IQSEC1: variants seen among roughly 807,000 people sequenced by gnomAD.
The protein encoded by IQSEC1 is IQ motif and Sec7 domain ArfGEF 1, also known as IQ motif and SEC7 domain-containing protein 1.
In IQSEC1, 31 loss-of-function variants were observed where a neutral mutation model predicts 91.0. That is an observed-to-expected ratio of 0.34 (90% CI 0.26 to 0.46). The LOEUF (loss-of-function observed/expected upper bound fraction) is 0.46, where lower values mean the gene tolerates loss of function less well. Among genes scored for constraint, IQSEC1 ranks in the 20% least tolerant of loss-of-function variants. IQSEC1 has a pLI of 1.00. For missense variants in IQSEC1, 1,388 were observed against 1,575.6 expected (o/e 0.88, Z 2.02); for synonymous variants, 699 against 662.6 (o/e 1.05, Z -0.84).
chr3:12,934,368 C>A (rs1287277341), intron 3 of IQSEC1, among the ~76,000 whole-genome samples: 1 of 152,210 alleles, frequency 6.6e-6, no homozygotes, highest in Non-Finnish European at 1.5e-5. Flanking sequence ...ATAGTGCTTC[C>A]ATGTGTCCCA....
chr3:13,249,623 G>A (rs901584482), intron 1 of IQSEC1, among the ~76,000 whole-genome samples: 10 of 152,100 alleles, frequency 6.6e-5, no homozygotes, highest in African/African-American at 1.9e-4. Context: ...ATACCAGCTT[G>A]GGTTCGAATA....
intron 2 of IQSEC1, among the ~76,000 whole-genome samples, chr3:13,161,819 CTG>C (rs952237461): frequency 6.6e-6 from 1 of 152,200 alleles, no homozygotes; most frequent in African/African-American, 2.4e-5. Context: ...CTTCTCCTGT[CTG>C]TGCACCCTGC....
intron 2 of IQSEC1, among the ~76,000 whole-genome samples, chr3:13,081,380 C>T (rs1705644890): frequency 6.6e-6 from 1 of 152,224 alleles, no homozygotes; most frequent in South Asian, 2.1e-4. Flanking sequence ...GCAATCCTCC[C>T]ACCTCGGCCT....
intron 1 of IQSEC1, among the ~76,000 whole-genome samples, chr3:12,969,206 A>G (rs1700776052): frequency 6.6e-6 from 1 of 152,214 alleles, no homozygotes; most frequent in Non-Finnish European, 1.5e-5. Flanking sequence ...TCCATAGTAC[A>G]TAAAGAACGC....
At chr3:13,039,931 T>C (rs1704188471) in intron 1 of IQSEC1, among the ~76,000 whole-genome samples, 1 of 152,224 alleles carries the variant, frequency 6.6e-6, no homozygotes, top group Admixed American at 6.5e-5. Flanking sequence ...CCATGAGCCC[T>C]TGGACAAGCT....
rs76955671 is a variant in IQSEC1 at position 13,224,195 on chromosome 3, G to A, written c.272+58516C>T. Among the ~76,000 whole-genome samples the A allele has an allele frequency of 2.8e-3, 431 of 152,196 alleles. 1 individual carries two copies. Among genetic ancestry groups the A allele is most frequent in the African/African-American group, 6.4e-3 (266 of 41,510 alleles). On this transcript the variant is annotated intron_variant, in intron 1 of 15. Coordinates refer to the IQSEC1 transcript ENST00000648114. ...CACAGGGGCCGTTAGAGCCGACATC[G>A]ACCTCACTACCAGGAATGAGTCCCC...
At chr3:12,945,015 G>C (rs1444879820) in intron 1 of IQSEC1, among the ~76,000 whole-genome samples, 2 of 152,230 alleles carry the variant, frequency 1.3e-5, no homozygotes, top group African/African-American at 2.4e-5. Flanking sequence ...TGATGGTTGG[G>C]GGTGAGTGAG....
At position 13,000,948 on chromosome 3, in the gene IQSEC1, CT is replaced by C. The variant is rs10553726; in HGVS notation, c.24-59084del. 8.6e-3 allele frequency among the ~76,000 whole-genome samples: 1,053 copies of C among 121,876 alleles called. 8 individuals carry two copies. Among genetic ancestry groups the C allele is most frequent in the African/African-American group, 0.031 (980 of 31,544 alleles). The allele number at this position is 121,876 out of a possible 152,430, so 80.0% of individuals were successfully genotyped here. A position where few individuals can be genotyped will look rare whatever the true frequency, so the allele number is the denominator to read the frequency against. On this transcript the variant is annotated intron_variant, in intron 1 of 13. Transcript: ENST00000613206. ...TGGGGAGTGACTTACCCAAGTGAGT[CT>C]TTTTTTTTTTTTTTTTTTTGAGACA...
At chr3:13,089,137 C>T (rs745432814) in intron 2 of IQSEC1, among the ~76,000 whole-genome samples, 1 of 152,260 alleles carries the variant, frequency 6.6e-6, no homozygotes, top group African/African-American at 2.4e-5. Context: ...CCCCAAAATA[C>T]ACTGCCACAC....
chr3:13,081,385 C>T (rs1275748883), intron 2 of IQSEC1, among the ~76,000 whole-genome samples: 2 of 152,202 alleles, frequency 1.3e-5, no homozygotes, highest in Admixed American at 6.5e-5. Context: ...CCTCCCACCT[C>T]GGCCTTCCAA....
intron 1 of IQSEC1, among the ~76,000 whole-genome samples, chr3:13,190,895 C>A (rs1245372979): frequency 6.6e-6 from 1 of 152,182 alleles, no homozygotes; most frequent in African/African-American, 2.4e-5. Context: ...CTCACTAAAT[C>A]CCTGACTCCA....
chr3:13,204,282 C>T (rs987778753), intron 1 of IQSEC1, among the ~76,000 whole-genome samples: 2 of 152,266 alleles, frequency 1.3e-5, no homozygotes, highest in Non-Finnish European at 2.9e-5. Context: ...AGCGCCAGGA[C>T]GGGGGTGGAT....
chr3:13,269,494 C>A (rs1695556866), intron 1 of IQSEC1, among the ~76,000 whole-genome samples: 1 of 152,238 alleles, frequency 6.6e-6, no homozygotes, highest in African/African-American at 2.4e-5. Context: ...AGCCCACTCC[C>A]ATCCCCTACC....
At chr3:13,056,378 A>G (rs929381541) in intron 1 of IQSEC1, among the ~76,000 whole-genome samples, 1 of 151,868 alleles carries the variant, frequency 6.6e-6, no homozygotes, top group African/African-American at 2.4e-5. Context: ...CAAACCCTCT[A>G]GAGTCCACCT....
chr3:13,049,990 T>G (rs1190146478), intron 1 of IQSEC1, among the ~76,000 whole-genome samples: 1 of 152,082 alleles, frequency 6.6e-6, no homozygotes, highest in Non-Finnish European at 1.5e-5. Context: ...GGCCCAGTGC[T>G]GAACCCCACA....
intron 1 of IQSEC1, among the ~76,000 whole-genome samples, chr3:13,059,805 A>G (rs984142114): frequency 6.6e-6 from 1 of 152,238 alleles, no homozygotes; most frequent in African/African-American, 2.4e-5. Context: ...AACAGACTTC[A>G]GGCTAAAGGA....
intron 1 of IQSEC1, among the ~76,000 whole-genome samples, chr3:13,032,861 G>A (rs1043788950): frequency 1.3e-5 from 2 of 152,172 alleles, no homozygotes; most frequent in Admixed American, 6.5e-5. Context: ...TGGGATTACA[G>A]GCCTTAAAAA....
chr3:12,928,832 G>A (rs1488812305), intron 3 of IQSEC1, among the ~76,000 whole-genome samples: 2 of 152,106 alleles, frequency 1.3e-5, no homozygotes, highest in Admixed American at 1.3e-4. Context: ...AGGGCTGCAG[G>A]ACATGCTTCA....
chr3:12,931,581 C>T (rs923704668), intron 3 of IQSEC1, among the ~76,000 whole-genome samples: 32 of 152,232 alleles, frequency 2.1e-4, no homozygotes, highest in African/African-American at 7.7e-4. Context: ...ACACGTTAAA[C>T]ACAAGGAGCA....
Sources: gnomAD v4.1 joint callset for allele counts (sites outside exome capture counted in the v4.1 genomes callset) on GRCh38, gnomAD v4.1.1 for gene constraint, MANE v1.5 for transcripts, NCBI Gene and HGNC (gene_info 2026-07-23, HGNC 2026-07-21) for gene names.